ESYT3: variants seen among roughly 807,000 people sequenced by gnomAD.
The protein encoded by ESYT3 is extended synaptotagmin 3.
Under a neutral mutation model 111.5 loss-of-function variants are expected in ESYT3, and 101 were observed. The ratio of observed to expected loss-of-function variants is 0.91; its 90% confidence interval spans 0.77 to 1.07. The LOEUF (loss-of-function observed/expected upper bound fraction) is 1.07. ESYT3 is among the 50% of genes least tolerant of loss of function. ESYT3 has a pLI of 0.00. For synonymous variants in ESYT3, 416 were observed against 446.8 expected, an observed-to-expected ratio of 0.93 and a Z score of 0.87; for missense variants, 1,097 against 1,109.4, an observed-to-expected ratio of 0.99 and a Z score of 0.16.
intron 1 of ESYT3, among the ~76,000 whole-genome samples, chr3:138,447,068 A>T (rs1293365379): frequency 2.6e-5 from 4 of 151,938 alleles, no homozygotes; most frequent in African/African-American, 9.7e-5. Flanking sequence ...TATATGTATT[A>T]CAGAATATAA....
At position 138,468,240 on chromosome 3, in the gene ESYT3, C is replaced by T. The variant is rs763847216; in HGVS notation, c.1308+46C>T. The T allele has an allele frequency of 2.6e-6, 4 of 1,567,914 alleles. No homozygotes were observed. In the Admixed American group the frequency reaches 5.0e-5, roughly 20 times the overall value. ...GCTCCCTTGCAGAAAGGTGGAGGAG[C>T]ACACGTGCCAGGTGTGTGCAGGTGG... On this transcript the variant is annotated intron_variant, in intron 12 of 22. Coordinates refer to ENST00000389567, the MANE Select transcript of ESYT3 (RefSeq NM_031913.5).
intron 4 of ESYT3, 63 bp from the exon 5 acceptor site, chr3:138,459,124 A>C: frequency 7.2e-7 from 1 of 1,387,328 alleles, no homozygotes; most frequent in Non-Finnish European, 9.7e-7. Context: ...CAAGTTTCCC[A>C]ACCTTTCTGA....
At chr3:138,449,991 A>G (rs1482710578) in intron 1 of ESYT3, among the ~76,000 whole-genome samples, 2 of 152,192 alleles carry the variant, frequency 1.3e-5, no homozygotes, top group African/African-American at 4.8e-5. Flanking sequence ...AGTGTATCAA[A>G]TGCTGCAATG....
Position 138,464,499 on chromosome 3 carries a change from G to A in ESYT3, c.1070G>A (p.Trp357Ter), listed in dbSNP as rs562610762. 1 of 1,614,052 alleles carries A rather than the reference G, an allele frequency of 6.2e-7. No homozygotes were observed. The highest frequency in any genetic ancestry group is 1.7e-5 in the Admixed American group (1 of 60,014). ...RTIYRNLNPT[W>*]NEVFEFMVYE... ...ATCTACAGGAACCTGAACCCCACCT[G>A]GAACGAAGTGTTTGAGGTAAGGGTC... The change falls in exon 9 of 23, where the codon TGG becomes TAG. Residue 357 changes from tryptophan to a stop codon, truncating the protein, a stop_gained. Transcript: ENST00000389567. LOFTEE classifies it high-confidence loss of function.
Position 138,472,345 on chromosome 3 carries a change from C to G in ESYT3, c.1741-18C>G, listed in dbSNP as rs762267185. On this transcript the variant is annotated intron_variant, in intron 17 of 22. Coordinates refer to ENST00000389567, the MANE Select transcript of ESYT3 (RefSeq NM_031913.5). Reference sequence around the variant, plus strand: ...AGTGGTGACTCAGCTCATAAGCCACCCTCTTATCTGCTTGCAGTTCCTGCA... The same window carrying G: ...AGTGGTGACTCAGCTCATAAGCCACGCTCTTATCTGCTTGCAGTTCCTGCA... The G allele has an allele frequency of 6.2e-6, 10 of 1,609,772 alleles. No individual in the cohort carries two copies. In the South Asian group the frequency reaches 8.8e-5, roughly 14 times the overall value.
At chr3:138,457,721 G>C in intron 4 of ESYT3, 77 bp downstream of exon 4, 1 of 1,334,168 alleles carries the variant, frequency 7.5e-7, no homozygotes, top group Non-Finnish European at 1.1e-6. Context: ...AGATGGAGTA[G>C]TATATATATA....
intron 12 of ESYT3, 24 bp from the exon 13 acceptor site, chr3:138,468,631 G>C (rs779953236): frequency 1.2e-6 from 2 of 1,613,536 alleles, no homozygotes; most frequent in Middle Eastern, 1.7e-4. Context: ...GGAGTACCCA[G>C]TGAGGGTCTG....
At chr3:138,436,601 A>G (rs1211008992) in intron 1 of ESYT3, among the ~76,000 whole-genome samples, 3 of 152,184 alleles carry the variant, frequency 2.0e-5, no homozygotes, top group Non-Finnish European at 1.5e-5. Flanking sequence ...AAGGGTGCAC[A>G]CTTTTCTACG....
At chr3:138,438,758 A>G (rs886384519) in intron 1 of ESYT3, among the ~76,000 whole-genome samples, 1 of 152,180 alleles carries the variant, frequency 6.6e-6, no homozygotes, top group Non-Finnish European at 1.5e-5. Context: ...ACTTCAGACA[A>G]TCCTGCTTCT....
chr3:138,459,083 G>C, intron 4 of ESYT3, 104 bp from the exon 5 acceptor site: 1 of 872,004 alleles, frequency 1.1e-6, no homozygotes, highest in Non-Finnish European at 1.7e-6. Context: ...TCGGCAACTG[G>C]CTGCCTGGGC....
At chr3:138,472,207 G>C (rs1483982926) in intron 17 of ESYT3, among the ~76,000 whole-genome samples, 156 bp from the exon 18 acceptor site, 1 of 152,078 alleles carries the variant, frequency 6.6e-6, no homozygotes, top group African/African-American at 2.4e-5. Flanking sequence ...AAGTTTTTCA[G>C]AATATTTGGA....
rs1039044847 is a variant in ESYT3 at position 138,468,853 on chromosome 3, G to A, written c.1406G>A (p.Arg469Gln). The A allele has an allele frequency of 5.6e-6, 9 of 1,613,940 alleles. No individual in the cohort carries two copies. The highest frequency in any genetic ancestry group is 5.3e-5 in the African/African-American group (4 of 74,872). Residue 469 changes from arginine (R) to glutamine (Q), a missense_variant, in exon 14 of 23, where the codon CGA (arginine) becomes CAA (glutamine). Physicochemically the swap from Arg to Gln is conservative, Grantham distance 43. Coordinates refer to ENST00000389567, the MANE Select transcript of ESYT3 (RefSeq NM_031913.5). ...TTTGACTACCTGAATGGTGAATATC[G>A]AGCCAAAAAACTCTCCAGGTTTGCC... ...NPFDYLNGEYRAKKLSRFARN... is the reference protein window; with the variant it reads ...NPFDYLNGEYQAKKLSRFARN...
In ESYT3 at chr3:138,472,689, CCT is replaced by C; in HGVS notation, c.2068_2069del (p.Leu690AspfsTer47). The C allele has an allele frequency of 1.2e-6, 2 of 1,614,218 alleles. No individual in the cohort carries two copies. The highest frequency in any genetic ancestry group is 1.7e-6 in the Non-Finnish European group (2 of 1,180,040). ...GEKKSPATIF[L>X]TVPGPHSPGP... ...AGAAGAAGAGTCCAGCCACCATCTT[CCT>C]GACTGTCCCAGGTCCCCACTCTCCA... On this transcript the variant is annotated frameshift_variant, in exon 18 of 23. Coordinates refer to ENST00000389567, the MANE Select transcript of ESYT3 (RefSeq NM_031913.5). LOFTEE classifies it high-confidence loss of function.
At chr3:138,473,259 A>G (rs1194966704) in intron 18 of ESYT3, 2 of 760,926 alleles carry the variant, frequency 2.6e-6, no homozygotes, top group Non-Finnish European at 3.7e-6. Flanking sequence ...AGATGGAACT[A>G]TCATAAAAGT....
In ESYT3 at chr3:138,464,374, A is replaced by G; in HGVS notation, c.945A>G (p.Ala315=). Residue 315 remains alanine, a synonymous_variant, in exon 9 of 23, where the codon GCA becomes GCG. Transcript: ENST00000389567. ...CGVIRVHLLE[A]EQLAQKDNFL... is the part of the protein sequence containing the mutation. ...TGATCAGAGTGCACTTGCTGGAGGC[A>G]GAGCAGCTGGCCCAGAAGGACAACT... The G allele has an allele frequency of 6.2e-7, 1 of 1,614,160 alleles. No individual in the cohort carries two copies. The highest frequency in any genetic ancestry group is 1.1e-5 in the South Asian group (1 of 91,088).
At chr3:138,468,616 T>C in intron 12 of ESYT3, 39 bp from the exon 13 acceptor site, 1 of 1,608,004 alleles carries the variant, frequency 6.2e-7, no homozygotes, top group Non-Finnish European at 8.5e-7. Flanking sequence ...TGTGTCCTGC[T>C]GCTGGGAGTA....
chr3:138,455,835 A>G (rs1485672230), intron 3 of ESYT3, among the ~76,000 whole-genome samples: 1 of 152,208 alleles, frequency 6.6e-6, no homozygotes, highest in Non-Finnish European at 1.5e-5. Context: ...TCTGTGGCCA[A>G]TGAAGTTTGT....
At chr3:138,480,533 T>A (rs2033669956), downstream of ESYT3, 2 of 152,180 alleles carry the variant, frequency 1.3e-5, no homozygotes, top group Admixed American at 1.3e-4. Context: ...CAAGCTTGCT[T>A]GATACAATGT....
intron 1 of ESYT3, among the ~76,000 whole-genome samples, chr3:138,450,549 A>G (rs894217314): frequency 6.6e-6 from 1 of 152,236 alleles, no homozygotes; most frequent in Non-Finnish European, 1.5e-5. Flanking sequence ...GCCACTGCCC[A>G]GAGCAAGGGA....
Sources: allele counts gnomAD v4.1 joint callset (sites outside exome capture counted in the v4.1 genomes callset), GRCh38; gene constraint gnomAD v4.1.1; transcripts MANE v1.5; gene names NCBI Gene and HGNC (gene_info 2026-07-23, HGNC 2026-07-21).